The following C12orf76 variants were observed in gnomAD, a reference collection of about 807,000 sequenced individuals.
The protein encoded by C12orf76 is uncharacterized protein C12orf76.
C12orf76 carries 6 observed loss-of-function variants against 6.8 expected under a neutral mutation model. The observed-to-expected ratio is 0.88, with a 90% CI of 0.48 to 1.73. The LOEUF is 1.73. C12orf76 is among the 40% of genes most tolerant of loss of function. The probability of loss-of-function intolerance (pLI) is 0.01; values close to 1 mark genes in which losing one functional copy is unlikely to be tolerated. For missense variants in C12orf76, 99 were observed against 98.2 expected (o/e 1.01, Z -0.03); for synonymous variants, 56 against 43.7 (o/e 1.28, Z -1.11).
At chr12:110,045,446 C>T (rs1282242452) in intron 1 of C12orf76, among the ~76,000 whole-genome samples, 1 of 151,996 alleles carries the variant, frequency 6.6e-6, no homozygotes, top group Non-Finnish European at 1.5e-5. Context: ...ATTAGCTGGG[C>T]ATGGTGGCGG....
At chr12:110,070,394 GTC>G (rs1892948212), upstream of C12orf76, among the ~76,000 whole-genome samples, 1 of 152,106 alleles carries the variant, frequency 6.6e-6, no homozygotes, top group Non-Finnish European at 1.5e-5. Context: ...GGAAAGCCCT[GTC>G]TCTACAAAAA....
At chr12:110,060,658 C>A (rs187502910) in intron 2 of C12orf76, among the ~76,000 whole-genome samples, 102 of 152,302 alleles carry the variant, frequency 6.7e-4, no homozygotes, top group African/African-American at 2.3e-3. Context: ...GGCCCTCTTG[C>A]TTTCTCATCT....
At chr12:110,057,037 G>A in intron 4 of C12orf76, 1 of 623,502 alleles carries the variant, frequency 1.6e-6, no homozygotes, top group South Asian at 1.9e-5. Context: ...GGAGTGGCAG[G>A]GAAATAAGGA....
chr12:110,068,588 T>C (rs1173589005), upstream of C12orf76, among the ~76,000 whole-genome samples: 1 of 152,224 alleles, frequency 6.6e-6, no homozygotes, highest in East Asian at 1.9e-4. Context: ...CGCTAACTCC[T>C]CTTGTAGCTG....
At chr12:110,058,663 C>A (rs1892718544) in intron 3 of C12orf76, among the ~76,000 whole-genome samples, 1 of 151,830 alleles carries the variant, frequency 6.6e-6, no homozygotes, top group Non-Finnish European at 1.5e-5. Flanking sequence ...GAGTGAGACT[C>A]TCTCTCCAAA....
rs907835014 is a variant in C12orf76, at chr12:110,073,290, G to A, written n.213+132C>T. The A allele has an allele frequency of 2.1e-5, 9 of 438,336 alleles. No homozygotes were observed. The East Asian group carries it at 3.5e-4, about 17-fold the overall frequency. 27.2% of individuals were successfully genotyped at this position (438,336 alleles called of 1,614,324 possible). A position where few individuals can be genotyped will look rare whatever the true frequency, so the allele number is the denominator to read the frequency against. ...TGATGCTGCTTCCTCCCTCCCGCCC[G>A]GTTTGCTGTGAAAGCACGTCCAAAT... On this transcript the variant is annotated intron_variant and non_coding_transcript_variant, in intron 1 of 1. Coordinates refer to the C12orf76 transcript ENST00000548936.
chr12:110,060,565 T>C (rs945609313), intron 2 of C12orf76, among the ~76,000 whole-genome samples: 3 of 152,202 alleles, frequency 2.0e-5, no homozygotes, highest in Non-Finnish European at 2.9e-5. Context: ...ATTGGATCTC[T>C]GTGGCTACTC....
chr12:110,051,139 T>C (rs1218874399), upstream of C12orf76: 1 of 780,554 alleles, frequency 1.3e-6, no homozygotes, highest in Non-Finnish European at 2.4e-6. Flanking sequence ...TTTCCACTGG[T>C]ACAGCTTGCC....
At chr12:110,059,939 C>T (rs1387319416) in intron 2 of C12orf76, among the ~76,000 whole-genome samples, 2 of 152,198 alleles carry the variant, frequency 1.3e-5, no homozygotes, top group East Asian at 1.9e-4. Context: ...CAGAGCAGAA[C>T]AAGCTTTCCT....
At chr12:110,063,457 A>AT (rs201799261) in intron 2 of C12orf76, among the ~76,000 whole-genome samples, 114 of 122,568 alleles carry the variant, frequency 9.3e-4, no homozygotes, top group African/African-American at 1.2e-3. Flanking sequence ...TAATTTTTGT[A>AT]TTTTTTTTTT....
chr12:110,071,336 C>T (rs117237760), upstream of C12orf76, among the ~76,000 whole-genome samples: 4,179 of 152,124 alleles, frequency 0.027, 86 homozygotes, highest in Middle Eastern at 0.078. Context: ...AAATTCCAAA[C>T]TTGGACATGG....
upstream of C12orf76, chr12:110,051,102 G>C (rs777912652): frequency 1.3e-6 from 1 of 780,762 alleles, no homozygotes; most frequent in Non-Finnish European, 2.4e-6. Flanking sequence ...TTTTCACCTT[G>C]CTGTGCACAG....
At chr12:110,051,010 G>T (rs1339810002), upstream of C12orf76, 1 of 773,846 alleles carries the variant, frequency 1.3e-6, no homozygotes, top group Non-Finnish European at 2.4e-6. Context: ...CAAAGGGAAG[G>T]TGTAATCTGC....
intron 1 of C12orf76, among the ~76,000 whole-genome samples, chr12:110,045,065 A>G (rs1004622691): frequency 6.6e-6 from 1 of 152,196 alleles, no homozygotes; most frequent in Non-Finnish European, 1.5e-5. Flanking sequence ...ACAGCATGTC[A>G]TAACTCCAAA....
upstream of C12orf76, chr12:110,048,654 T>C (rs954314892): frequency 1.6e-6 from 2 of 1,281,346 alleles, no homozygotes; most frequent in Admixed American, 4.1e-5. Context: ...GCCTAAGATT[T>C]GTTCCGGATT....
upstream of C12orf76, chr12:110,050,269 A>G (rs1212077281): frequency 6.6e-6 from 1 of 152,222 alleles, no homozygotes; most frequent in African/African-American, 2.4e-5. Context: ...CACCTCACAC[A>G]TTGCCTCACC....
At chr12:110,043,078 AC>A (rs1459472898) in intron 1 of C12orf76, among the ~76,000 whole-genome samples, 3 of 146,820 alleles carry the variant, frequency 2.0e-5, no homozygotes, top group Non-Finnish European at 4.5e-5. Flanking sequence ...AAAAAAAAAA[AC>A]AACAACAAAA....
chr12:110,066,525 T>C (rs1382552464), intron 1 of C12orf76, among the ~76,000 whole-genome samples: 1 of 151,214 alleles, frequency 6.6e-6, no homozygotes, highest in Non-Finnish European at 1.5e-5. Context: ...CCATCTCTAC[T>C]AAAAATACAA....
chr12:110,062,816 T>TTTTTA (rs1892795487), intron 2 of C12orf76, among the ~76,000 whole-genome samples: 1 of 126,162 alleles, frequency 7.9e-6, no homozygotes, highest in African/African-American at 3.1e-5. Flanking sequence ...TTTTTTTTTT[T>TTTTTA]AGAGATGGGA....
Sources: allele counts gnomAD v4.1 joint callset (sites outside exome capture counted in the v4.1 genomes callset), GRCh38; gene constraint gnomAD v4.1.1; transcripts MANE v1.5; gene names NCBI Gene and HGNC (gene_info 2026-07-23, HGNC 2026-07-21).